The following MAP4K3 variants were observed in gnomAD, a reference collection of about 807,000 sequenced individuals.
MAP4K3 encodes the protein mitogen-activated protein kinase kinase kinase kinase 3.
MAP4K3 carries 94 observed loss-of-function variants against 143.5 expected under a neutral mutation model. That is an observed-to-expected ratio of 0.65 (90% CI 0.55 to 0.78). MAP4K3 has a LOEUF of 0.78. MAP4K3 is among the 30% of genes least tolerant of loss of function. The pLI, the probability that MAP4K3 is intolerant of heterozygous loss-of-function variation, is 0.00. For synonymous variants in MAP4K3, 416 were observed against 347.2 expected (o/e 1.20, Z -2.20); for missense variants, 1,077 against 1,068.1 (o/e 1.01, Z -0.12).
intron 8 of MAP4K3, 136 bp from the exon 9 acceptor site, chr2:39,326,413 G>T: frequency 2.5e-6 from 2 of 793,640 alleles, no homozygotes; most frequent in Non-Finnish European, 4.0e-6. Flanking sequence ...TAAATATGCA[G>T]TACTTAAAAG....
At chr2:39,275,997 T>G (rs919423416) in intron 24 of MAP4K3, among the ~76,000 whole-genome samples, 3 of 152,112 alleles carry the variant, frequency 2.0e-5, no homozygotes, top group African/African-American at 7.2e-5. Context: ...CTCAGCCTCC[T>G]GAGTAGCTGG....
rs111429037 is a variant in MAP4K3, at chr2:39,278,600, T to G, written c.1715-114A>C. 2.4e-3 allele frequency: 1,462 copies of G among 606,762 alleles called. 19 individuals carry two copies. Among genetic ancestry groups the G allele is most frequent in the African/African-American group, 0.024 (1,278 of 53,484 alleles). 37.6% of individuals were successfully genotyped at this position (606,762 alleles called of 1,614,324 possible). Reference sequence around the variant, plus strand: ...TTAACATATAAAACAAGAATTACTATGATTTATAAGCAGTGAATACAAAGA... The same window carrying G: ...TTAACATATAAAACAAGAATTACTAGGATTTATAAGCAGTGAATACAAAGA... On this transcript the variant is annotated intron_variant, in intron 23 of 33. Coordinates refer to ENST00000263881, the MANE Select transcript of MAP4K3 (RefSeq NM_003618.4).
At chr2:39,300,033 C>A (rs1659176297) in intron 15 of MAP4K3, among the ~76,000 whole-genome samples, 2 of 152,072 alleles carry the variant, frequency 1.3e-5, no homozygotes, top group Non-Finnish European at 2.9e-5. Flanking sequence ...TGCAAAGTTT[C>A]ATTTTTGGTT....
intron 6 of MAP4K3, among the ~76,000 whole-genome samples, chr2:39,334,272 T>G (rs1683786838): frequency 1.3e-5 from 2 of 152,118 alleles, no homozygotes; most frequent in South Asian, 4.2e-4. Flanking sequence ...AGCTCAAAGC[T>G]TTTGGAAGAG....
chr2:39,420,207 T>A (rs1482116907), intron 1 of MAP4K3, among the ~76,000 whole-genome samples: 1 of 152,248 alleles, frequency 6.6e-6, no homozygotes, highest in Non-Finnish European at 1.5e-5. Flanking sequence ...GGGTAATCAA[T>A]CTTTCACTAC....
At chr2:39,383,190 A>G (rs1227205036) in intron 1 of MAP4K3, among the ~76,000 whole-genome samples, 1 of 152,194 alleles carries the variant, frequency 6.6e-6, no homozygotes, top group Non-Finnish European at 1.5e-5. Context: ...GCGACTCGGT[A>G]ATTTATAAAG....
chr2:39,395,130 A>G lies in MAP4K3; in HGVS notation c.97-17007T>C, dbSNP rs577099354. Among the ~76,000 whole-genome samples the G allele has an allele frequency of 1.0e-3, 157 of 152,326 alleles. 1 individual carries two copies. Among genetic ancestry groups the G allele is most frequent in the African/African-American group, 3.4e-3 (142 of 41,576 alleles). ...CCAGTTTAATTAAAAAAAAGAGATG[A>G]ATGCCATTGTTCCCACTCAAGAAAT... On this transcript the variant is annotated intron_variant, in intron 1 of 33. Coordinates refer to ENST00000263881, the MANE Select transcript of MAP4K3 (RefSeq NM_003618.4).
chr2:39,292,536 T>C (rs1451646497), intron 18 of MAP4K3, among the ~76,000 whole-genome samples: 1 of 152,208 alleles, frequency 6.6e-6, no homozygotes, highest in Admixed American at 6.5e-5. Context: ...TACCTTGATC[T>C]TGAACTTCCC....
At chr2:39,377,563 C>A (rs578002369) in intron 2 of MAP4K3, among the ~76,000 whole-genome samples, 1 of 152,140 alleles carries the variant, frequency 6.6e-6, no homozygotes, top group South Asian at 2.1e-4. Flanking sequence ...CAATAAGCTG[C>A]TCAATTTGGT....
chr2:39,426,464 G>C (rs1665088683), intron 1 of MAP4K3, among the ~76,000 whole-genome samples: 1 of 151,800 alleles, frequency 6.6e-6, no homozygotes, highest in African/African-American at 2.4e-5. Context: ...TCCTGATTTT[G>C]ATAATTTATT....
intron 6 of MAP4K3, among the ~76,000 whole-genome samples, chr2:39,335,905 A>G (rs1284248105): frequency 2.0e-5 from 3 of 152,240 alleles, no homozygotes; most frequent in African/African-American, 7.2e-5. Flanking sequence ...CCCAGAGGAC[A>G]GTAAGATTTG....
intron 13 of MAP4K3, among the ~76,000 whole-genome samples, chr2:39,313,974 T>C (rs1245550626): frequency 1.3e-5 from 2 of 152,210 alleles, no homozygotes; most frequent in Non-Finnish European, 2.9e-5. Flanking sequence ...TACTTTAAAT[T>C]ACATTTTCAA....
At chr2:39,281,770 AAATC>A (rs1194154051) in intron 22 of MAP4K3, among the ~76,000 whole-genome samples, 1 of 150,938 alleles carries the variant, frequency 6.6e-6, no homozygotes, top group Admixed American at 6.6e-5. Context: ...TATACTGTAT[AAATC>A]AATATTAAAA....
At position 39,390,359 on chromosome 2, in the gene MAP4K3, A is replaced by G. The variant is rs952765640; in HGVS notation, c.97-12236T>C. On this transcript the variant is annotated intron_variant, in intron 1 of 33. Transcript: ENST00000263881. The stretch of plus-strand genomic sequence containing the variant: ...TTAAACAACTCAGCATGGAAATTAA[A>G]CAACTCAATACAAACCACTTGTAGA... Among the ~76,000 whole-genome samples the G allele has an allele frequency of 4.6e-5, 7 of 152,224 alleles. No individual in the cohort carries two copies. In the East Asian group the frequency reaches 5.8e-4, roughly 13 times the overall value.
chr2:39,399,122 G>A (rs1471778378), intron 1 of MAP4K3, among the ~76,000 whole-genome samples: 6 of 149,982 alleles, frequency 4.0e-5, no homozygotes, highest in African/African-American at 9.8e-5. Flanking sequence ...CTGCTCACAC[G>A]AAATTCCCAA....
intron 1 of MAP4K3, among the ~76,000 whole-genome samples, chr2:39,412,249 AG>A (rs768341702): frequency 6.6e-6 from 1 of 152,226 alleles, no homozygotes; most frequent in East Asian, 1.9e-4. Flanking sequence ...TTGGATCTAC[AG>A]GAGATCGCGC....
intron 4 of MAP4K3, among the ~76,000 whole-genome samples, chr2:39,339,701 G>A (rs1293352206): frequency 6.6e-6 from 1 of 152,122 alleles, no homozygotes; most frequent in South Asian, 2.1e-4. Flanking sequence ...CATAGGGATG[G>A]AGGAAACATG....
Position 39,363,992 on chromosome 2 carries a change from T to TG in MAP4K3, c.155-7654_155-7653insC, listed in dbSNP as rs1665846184. Among the ~76,000 whole-genome samples, 3 of 129,158 alleles carry TG rather than the reference T, an allele frequency of 2.3e-5. No homozygotes were observed. In the South Asian group the frequency reaches 7.3e-4, roughly 32 times the overall value. The allele number at this position is 129,158 out of a possible 152,430, so 84.7% of individuals were successfully genotyped here. On this transcript the variant is annotated intron_variant, in intron 2 of 33. Coordinates refer to ENST00000263881, the MANE Select transcript of MAP4K3 (RefSeq NM_003618.4). ...TTCTCACCTGTTCAGATAGCCATTA[T>TG]AAAAAAAAAAAAAAAAAAGAAGACA...
rs1331537699 is a variant in MAP4K3 at position 39,254,037 on chromosome 2, A to G, written c.2541+413T>C. Reference sequence around the variant, plus strand: ...AAAGAGGTAAGTGGGCTTCCAGAGAAATATAGGACTCTTTACTTATAGTCT... The same window carrying G: ...AAAGAGGTAAGTGGGCTTCCAGAGAGATATAGGACTCTTTACTTATAGTCT... On this transcript the variant is annotated intron_variant, in intron 32 of 33. Coordinates refer to ENST00000263881, the MANE Select transcript of MAP4K3 (RefSeq NM_003618.4). 7.9e-5 allele frequency among the ~76,000 whole-genome samples: 12 copies of G among 152,214 alleles called. No homozygotes were observed. In the East Asian group the frequency reaches 2.3e-3, roughly 29 times the overall value.
Sources: allele counts gnomAD v4.1 joint callset (sites outside exome capture counted in the v4.1 genomes callset), GRCh38; gene constraint gnomAD v4.1.1; transcripts MANE v1.5; gene names NCBI Gene and HGNC (gene_info 2026-07-23, HGNC 2026-07-21).